RAB27A: variants seen among roughly 807,000 people sequenced by gnomAD.
RAB27A encodes the protein RAB27A, member RAS oncogene family.
In RAB27A, 17 loss-of-function variants were observed where a neutral mutation model predicts 20.8. The ratio of observed to expected loss-of-function variants is 0.82; its 90% CI spans 0.56 to 1.23. RAB27A has a LOEUF of 1.23. RAB27A is among the 50% of genes most tolerant of loss of function. The pLI is 0.00. For missense variants in RAB27A, 277 were observed against 266.7 expected (o/e 1.04, Z -0.27); for synonymous variants, 85 against 92.8 (o/e 0.92, Z 0.48).
At chr15:55,307,740 C>T (rs1175645469) in intron 2 of RAB27A, among the ~76,000 whole-genome samples, 1 of 146,972 alleles carries the variant, frequency 6.8e-6, no homozygotes, top group Non-Finnish European at 1.5e-5. Context: ...AATCTAGTTG[C>T]CAGTCTTCTC....
chr15:55,282,739 C>T (rs1458641176), intron 1 of RAB27A, among the ~76,000 whole-genome samples: 1 of 152,094 alleles, frequency 6.6e-6, no homozygotes, highest in Admixed American at 6.6e-5. Flanking sequence ...ACACAATAGA[C>T]AGGCACTGAA....
intron 5 of RAB27A, 93 bp from the exon 6 acceptor site, chr15:55,224,105 A>G: frequency 1.1e-6 from 1 of 926,974 alleles, no homozygotes; most frequent in Non-Finnish European, 1.7e-6. Context: ...GAAGACTATA[A>G]TGTATATATA....
At chr15:55,231,353 A>C (rs999910882) in intron 3 of RAB27A, among the ~76,000 whole-genome samples, 1 of 152,178 alleles carries the variant, frequency 6.6e-6, no homozygotes, top group African/African-American at 2.4e-5. Flanking sequence ...CTCTTAAAAG[A>C]ATTTTATAGA....
At position 55,241,897 on chromosome 15, in the gene RAB27A, T is replaced by G. The variant is rs75473698; in HGVS notation, c.-22-6941A>C. Among the ~76,000 whole-genome samples, 1,260 of 152,144 alleles carry G rather than the reference T, an allele frequency of 8.3e-3. 23 individuals are homozygous for G. The highest frequency in any genetic ancestry group is 0.029 in the African/African-American group (1,212 of 41,476). On this transcript the variant is annotated intron_variant, in intron 2 of 6. Transcript: ENST00000336787. ...AAAACACTTAAAGATTTTTAAATGT[T>G]TTTAAAAATACTTTTTAAGTGTTTT...
At chr15:55,244,868 T>C (rs1265629773) in intron 2 of RAB27A, among the ~76,000 whole-genome samples, 2 of 152,212 alleles carry the variant, frequency 1.3e-5, no homozygotes, top group Admixed American at 6.5e-5. Context: ...CATAGAAATA[T>C]AAACCTTATC....
At chr15:55,241,620 A>G (rs58242625) in intron 2 of RAB27A, among the ~76,000 whole-genome samples, 19 of 127,850 alleles carry the variant, frequency 1.5e-4, no homozygotes, top group African/African-American at 8.3e-4. Flanking sequence ...ATATATATAT[A>G]TATATGTGTG....
At chr15:55,308,011 A>G (rs1595756925) in intron 2 of RAB27A, among the ~76,000 whole-genome samples, 1 of 152,034 alleles carries the variant, frequency 6.6e-6, no homozygotes, top group Non-Finnish European at 1.5e-5. Flanking sequence ...TCCTGAGGGG[A>G]GGAAACTATG....
intron 2 of RAB27A, among the ~76,000 whole-genome samples, chr15:55,304,696 T>C (rs1389691711): frequency 2.6e-5 from 4 of 152,250 alleles, no homozygotes; most frequent in Admixed American, 2.6e-4. Context: ...ATTTATCTTC[T>C]TGGCTGAATA....
intron 2 of RAB27A, among the ~76,000 whole-genome samples, chr15:55,305,937 T>C (rs1039407497): frequency 1.3e-5 from 2 of 152,230 alleles, no homozygotes; most frequent in African/African-American, 2.4e-5. Flanking sequence ...GAATGGGTAC[T>C]CTTTTGTTGC....
intron 2 of RAB27A, among the ~76,000 whole-genome samples, chr15:55,266,444 G>A (rs545387908): frequency 1.3e-5 from 2 of 152,192 alleles, no homozygotes; most frequent in Non-Finnish European, 2.9e-5. Flanking sequence ...TGACAGTAGG[G>A]ATGAAGAAGA....
intron 2 of RAB27A, among the ~76,000 whole-genome samples, chr15:55,262,603 G>C (rs1897313920): frequency 1.3e-5 from 2 of 149,842 alleles, no homozygotes. Context: ...TAGACATGGT[G>C]ATACAGGTAG....
At chr15:55,260,851 G>A (rs1897244584) in intron 2 of RAB27A, among the ~76,000 whole-genome samples, 1 of 152,164 alleles carries the variant, frequency 6.6e-6, no homozygotes, top group Non-Finnish European at 1.5e-5. Flanking sequence ...CTATAACATA[G>A]ATAGATGTCA....
At chr15:55,291,898 T>C (rs189794998), upstream of RAB27A, among the ~76,000 whole-genome samples, 66 of 152,212 alleles carry the variant, frequency 4.3e-4, no homozygotes, top group African/African-American at 1.6e-3. Context: ...AGAGCCTCAA[T>C]AAAGGAAGTT....
chr15:55,217,331 G>A (rs1031737275), intron 6 of RAB27A, among the ~76,000 whole-genome samples: 15 of 151,984 alleles, frequency 9.9e-5, no homozygotes, highest in Non-Finnish European at 1.8e-4. Flanking sequence ...GAGAGCCATA[G>A]AAAAGACCCT....
At position 55,230,347 on chromosome 15, in the gene RAB27A, G is replaced by A. The variant is rs1202425714; in HGVS notation, c.239+54C>T. On this transcript the variant is annotated intron_variant, in intron 4 of 6. Transcript: ENST00000336787. ...CTGCTCAGGTCACTGTTTGAAGAATGTAACTATTTTTCCCTTTCCTTCAGT... is the reference window on the plus strand; with the variant it reads ...CTGCTCAGGTCACTGTTTGAAGAATATAACTATTTTTCCCTTTCCTTCAGT... 4 of 1,488,072 alleles carry A rather than the reference G, an allele frequency of 2.7e-6. No individual in the cohort carries two copies. The Admixed American group carries it at 5.0e-5, about 19-fold the overall frequency. 92.2% of individuals were successfully genotyped at this position (1,488,072 alleles called of 1,614,324 possible).
chr15:55,279,064 T>A (rs1368636062), intron 1 of RAB27A, among the ~76,000 whole-genome samples: 2 of 152,166 alleles, frequency 1.3e-5, no homozygotes, highest in African/African-American at 4.8e-5. Context: ...TTCCAAACTT[T>A]GGGATAGATA....
intron 6 of RAB27A, among the ~76,000 whole-genome samples, chr15:55,217,318 G>A (rs1352863788): frequency 6.6e-6 from 1 of 152,012 alleles, no homozygotes; most frequent in African/African-American, 2.4e-5. Flanking sequence ...TAGCAAACTA[G>A]ATGAGAGCCA....
chr15:55,266,167 G>A (rs569127858), intron 2 of RAB27A, among the ~76,000 whole-genome samples: 1 of 152,312 alleles, frequency 6.6e-6, no homozygotes, highest in East Asian at 1.9e-4. Context: ...CTTCATGAAG[G>A]GGATTAGTGC....
chr15:55,263,952 C>T (rs1897365293), intron 2 of RAB27A, among the ~76,000 whole-genome samples: 1 of 152,162 alleles, frequency 6.6e-6, no homozygotes. Flanking sequence ...TACAAAAAAC[C>T]ACATTAAACA....
Sources: allele counts gnomAD v4.1 joint callset (sites outside exome capture counted in the v4.1 genomes callset), GRCh38; gene constraint gnomAD v4.1.1; transcripts MANE v1.5; gene names NCBI Gene and HGNC (gene_info 2026-07-23, HGNC 2026-07-21).